The following GSTZ1 variants were observed in gnomAD, a reference collection of about 807,000 sequenced individuals.
The protein encoded by GSTZ1 is maleylacetoacetate isomerase.
Under a neutral mutation model 35.9 loss-of-function variants are expected in GSTZ1, and 34 were observed. The ratio of observed to expected loss-of-function variants is 0.95; its 90% CI spans 0.72 to 1.26. The LOEUF is 1.26. Ranked by LOEUF, GSTZ1 falls within the 50% of genes most tolerant of loss-of-function variation. GSTZ1 has a pLI of 0.00. For missense variants in GSTZ1, 263 were observed against 271.7 expected (o/e 0.97, Z 0.23); for synonymous variants, 93 against 101.2 (o/e 0.92, Z 0.49).
intron 4 of GSTZ1, 104 bp from the exon 5 acceptor site, chr14:77,327,808 T>C (rs1892406980): frequency 1.8e-6 from 2 of 1,110,428 alleles, no homozygotes; most frequent in Non-Finnish European, 1.3e-6. Context: ...GGAAGAGGTG[T>C]AGTGATGGTG....
chr14:77,322,378 T>G (rs1892062844), intron 1 of GSTZ1, among the ~76,000 whole-genome samples: 1 of 152,172 alleles, frequency 6.6e-6, no homozygotes, highest in Admixed American at 6.5e-5. Flanking sequence ...AGAAATTGCC[T>G]AAGAGATTTC....
In GSTZ1 at chr14:77,326,821, T is replaced by C. The variant is rs951403126; in HGVS notation, c.68-17T>C. The C allele has an allele frequency of 1.9e-6, 3 of 1,582,566 alleles. No individual in the cohort carries two copies. Among genetic ancestry groups the C allele is most frequent in the African/African-American group, 2.7e-5 (2 of 74,536 alleles). On this transcript the variant is annotated splice_polypyrimidine_tract_variant and intron_variant, in intron 2 of 8. Transcript: ENST00000216465. ...GAGAGGCTGTTCTTTGACTCCGCTA[T>C]GTGCGGTCTCTCCTAGCTCTGGCCT...
At chr14:77,327,286 C>A in intron 3 of GSTZ1, 186 bp from the exon 4 acceptor site, 1 of 615,908 alleles carries the variant, frequency 1.6e-6, no homozygotes, top group Non-Finnish European at 2.9e-6. Flanking sequence ...GCCTATGGCT[C>A]AGCAGCAGCT....
rs11287763 is a variant in GSTZ1, at chr14:77,324,152, C to CTTT, written c.16-700_16-698dup. 37 of 117,958 alleles carry CTTT rather than the reference C, an allele frequency of 3.1e-4. 2 individuals carry two copies. The highest frequency in any genetic ancestry group is 4.2e-4 in the Non-Finnish European group (25 of 59,184). 7.3% of individuals were successfully genotyped at this position (117,958 alleles called of 1,614,324 possible). ...CTTCCTGCGAGTTGGAAAAAAATGC[C>CTTT]TTTTTTTTTTTTTTTTTTTTGAGAC... On this transcript the variant is annotated intron_variant, in intron 1 of 8. Coordinates refer to ENST00000216465, the MANE Select transcript of GSTZ1 (RefSeq NM_145870.3).
At chr14:77,321,346 C>A (rs1200629504) in intron 1 of GSTZ1, 163 bp downstream of exon 1, 2 of 1,533,426 alleles carry the variant, frequency 1.3e-6, no homozygotes, top group Admixed American at 2.0e-5. Flanking sequence ...GCGCGCTGCC[C>A]GCTGGGGCTC....
In GSTZ1 at chr14:77,330,457, A is replaced by G. The variant is rs997604486; in HGVS notation, c.524+98A>G. The G allele has an allele frequency of 3.0e-6, 3 of 1,001,618 alleles. No individual in the cohort carries two copies. The African/African-American group carries it at 4.8e-5, about 16-fold the overall frequency. The allele number at this position is 1,001,618 out of a possible 1,614,324, so 62.0% of individuals were successfully genotyped here. A position where few individuals can be genotyped will look rare whatever the true frequency, so the allele number is the denominator to read the frequency against. ...AGCATCTCATGCAGACGCTTCGCCAACCAGCCAAGGAGCCCACCATGCCAG... is the reference window on the plus strand; with the variant it reads ...AGCATCTCATGCAGACGCTTCGCCAGCCAGCCAAGGAGCCCACCATGCCAG... On this transcript the variant is annotated intron_variant, in intron 8 of 8. Transcript: ENST00000216465.
Position 77,327,977 on chromosome 14 carries a change from G to C in GSTZ1, c.282G>C (p.Lys94Asn). Residue 94 changes from lysine (K) to asparagine (N), a missense_variant, in exon 5 of 9, where the codon AAG (lysine) becomes AAC (asparagine). Transcript: ENST00000216465. Reference protein sequence around the residue: ...PTPRLLPQDPKKRASVRMISD... With the variant: ...PTPRLLPQDPNKRASVRMISD... The stretch of plus-strand genomic sequence containing the variant: ...CGCGACTTCTGCCTCAGGACCCAAA[G>C]AAGAGGGCCAGCGTGCGTATGATTT... 1 of 1,614,102 alleles carries C rather than the reference G, an allele frequency of 6.2e-7. No homozygotes were observed. Among genetic ancestry groups the C allele is most frequent in the South Asian group, 1.1e-5 (1 of 91,076 alleles).
rs762845331 is a variant in GSTZ1 at position 77,321,332 on chromosome 14, T to G, written c.15+149T>G. 2.3e-5 allele frequency: 35 copies of G among 1,532,270 alleles called. 1 individual carries two copies. Among genetic ancestry groups the G allele is most frequent in the Non-Finnish European group, 2.7e-5 (31 of 1,140,366 alleles). 94.9% of individuals were successfully genotyped at this position (1,532,270 alleles called of 1,614,324 possible). ...GCGCCGGGCACGCTCTGCGCCTGCG[T>G]GCTGCGCGCTGCCCGCTGGGGCTCG... On this transcript the variant is annotated intron_variant, in intron 1 of 8. Coordinates refer to ENST00000216465, the MANE Select transcript of GSTZ1 (RefSeq NM_145870.3).
At chr14:77,327,252 C>G (rs1892367357) in intron 3 of GSTZ1, 1 of 603,242 alleles carries the variant, frequency 1.7e-6, no homozygotes, top group South Asian at 2.0e-5. Context: ...CAGGGAAAGC[C>G]CATAGCCAGG....
chr14:77,324,731 G>A, intron 1 of GSTZ1, 139 bp from the exon 2 acceptor site: 3 of 1,140,494 alleles, frequency 2.6e-6, no homozygotes, highest in South Asian at 2.6e-5. Flanking sequence ...CTCTCAGAGA[G>A]CTTGGAGTCT....
chr14:77,328,129 G>T, intron 5 of GSTZ1, 92 bp downstream of exon 5: 1 of 1,291,772 alleles, frequency 7.7e-7, no homozygotes, highest in Non-Finnish European at 1.1e-6. Flanking sequence ...GGGCGGGGGT[G>T]TCAAGGGAGG....
At position 77,326,902 on chromosome 14, in the gene GSTZ1, A is replaced by G. The variant is rs375768042; in HGVS notation, c.132A>G (p.Gln44=). 147 of 1,598,982 alleles carry G rather than the reference A, an allele frequency of 9.2e-5. No individual in the cohort carries two copies. The Middle Eastern group carries it at 9.9e-4, about 11-fold the overall frequency. Residue 44 remains glutamine, a synonymous_variant, in exon 3 of 9, where the codon CAA becomes CAG. Transcript: ENST00000216465. ...TCAATCTCATAAAGGATGGGGGCCA[A>G]CAGGTAAGAAGGCTGTGCCCAGACC... ...VPINLIKDGG[Q]QFSKDFQALN...
chr14:77,321,167 A>G lies in GSTZ1; in HGVS notation c.-2A>G. The G allele has an allele frequency of 1.4e-6, 2 of 1,462,582 alleles. No homozygotes were observed. Among genetic ancestry groups the G allele is most frequent in the Non-Finnish European group, 1.8e-6 (2 of 1,100,958 alleles). The allele number at this position is 1,462,582 out of a possible 1,614,324, so 90.6% of individuals were successfully genotyped here. ...GGAGGAGGGGGTCGCGCGAAGTGCCAGATGCAGGCGGGGAAGGTCTGTGAC... is the reference window on the plus strand; with the variant it reads ...GGAGGAGGGGGTCGCGCGAAGTGCCGGATGCAGGCGGGGAAGGTCTGTGAC... On this transcript the variant is annotated 5_prime_UTR_variant, in exon 1 of 9. Coordinates refer to ENST00000216465, the MANE Select transcript of GSTZ1 (RefSeq NM_145870.3).
At position 77,321,241 on chromosome 14, in the gene GSTZ1, G is replaced by T. The variant is rs758395951; in HGVS notation, c.15+58G>T. ...GGTTAGACACCTGGAGACCCTGGGGGGCGGGGTCAGAAGTGAGCTGCACCG... is the reference window on the plus strand; with the variant it reads ...GGTTAGACACCTGGAGACCCTGGGGTGCGGGGTCAGAAGTGAGCTGCACCG... On this transcript the variant is annotated intron_variant, in intron 1 of 8. Coordinates refer to ENST00000216465, the MANE Select transcript of GSTZ1 (RefSeq NM_145870.3). The T allele has an allele frequency of 4.6e-6, 7 of 1,535,076 alleles. 1 individual carries two copies. Among genetic ancestry groups the T allele is most frequent in the Middle Eastern group, 3.4e-4 (2 of 5,920 alleles).
chr14:77,328,104 A>C, intron 5 of GSTZ1, 67 bp downstream of exon 5: 1 of 1,552,758 alleles, frequency 6.4e-7, no homozygotes, highest in Non-Finnish European at 8.8e-7. Context: ...ATTGGCTGTG[A>C]GCTGCCCAGT....
chr14:77,328,856 A>G (rs1594826991), intron 5 of GSTZ1: 6 of 529,518 alleles, frequency 1.1e-5, no homozygotes, highest in African/African-American at 1.9e-5. Context: ...CCTGTGTCAC[A>G]TGAATAGGGA....
chr14:77,330,679 C>T (rs1347239209), intron 8 of GSTZ1, among the ~76,000 whole-genome samples: 3 of 152,160 alleles, frequency 2.0e-5, no homozygotes, highest in Non-Finnish European at 4.4e-5. Flanking sequence ...AGCTCTACCT[C>T]TGCATCCTTC....
At chr14:77,322,063 A>G (rs533990210) in intron 1 of GSTZ1, among the ~76,000 whole-genome samples, 1 of 152,118 alleles carries the variant, frequency 6.6e-6, no homozygotes, top group Non-Finnish European at 1.5e-5. Context: ...TTAACGTGCC[A>G]TGAAGTTTGA....
chr14:77,328,895 G>A, intron 5 of GSTZ1: 1 of 583,974 alleles, frequency 1.7e-6, no homozygotes, highest in Non-Finnish European at 3.1e-6. Context: ...AGAATCACGT[G>A]GCTTTTTGAG....
Sources: gnomAD v4.1 joint callset for allele counts (sites outside exome capture counted in the v4.1 genomes callset) on GRCh38, gnomAD v4.1.1 for gene constraint, MANE v1.5 for transcripts, NCBI Gene and HGNC (gene_info 2026-07-23, HGNC 2026-07-21) for gene names.